Variants in CCDC171 observed in about 807,000 individuals in gnomAD.
CCDC171 encodes coiled-coil domain-containing protein 171.
A neutral mutation model predicts 168.2 loss-of-function variants in CCDC171; 177 were observed. The ratio of observed to expected loss-of-function variants is 1.05; its 90% CI spans 0.93 to 1.19. The LOEUF (loss-of-function observed/expected upper bound fraction) is 1.19, where lower values mean the gene tolerates loss of function less well. Among genes scored for constraint, CCDC171 ranks in the 50% most tolerant of loss-of-function variants. The pLI is 0.00. For missense variants in CCDC171, 1,991 were observed against 1,539.0 expected, an observed-to-expected ratio of 1.29 and a Z score of -4.91; for synonymous variants, 687 against 540.8, an observed-to-expected ratio of 1.27 and a Z score of -3.75.
At chr9:15,698,904 T>C (rs2051445495) in intron 11 of CCDC171, among the ~76,000 whole-genome samples, 1 of 152,214 alleles carries the variant, frequency 6.6e-6, no homozygotes, top group Non-Finnish European at 1.5e-5. Context: ...GTTGATTCTA[T>C]ATCTTGGTTA....
At chr9:15,840,799 G>A (rs560410605) in intron 21 of CCDC171, among the ~76,000 whole-genome samples, 7 of 151,784 alleles carry the variant, frequency 4.6e-5, no homozygotes, top group Admixed American at 1.3e-4. Flanking sequence ...CATTTAAAAT[G>A]TGTAACTATT....
chr9:15,809,960 C>T (rs1049217256), intron 21 of CCDC171, among the ~76,000 whole-genome samples: 5 of 152,068 alleles, frequency 3.3e-5, no homozygotes, highest in East Asian at 1.9e-4. Context: ...CTGATTGGTC[C>T]GTTTTGACAG....
At chr9:15,938,541 T>C (rs906224009) in intron 25 of CCDC171, among the ~76,000 whole-genome samples, 1 of 151,920 alleles carries the variant, frequency 6.6e-6, no homozygotes, top group Non-Finnish European at 1.5e-5. Flanking sequence ...TCTTTCTCTT[T>C]CCTTTTGAAG....
chr9:16,106,518 C>T, the CCDC171 span, among the ~76,000 whole-genome samples: 3 of 152,152 alleles, frequency 2.0e-5, no homozygotes, highest in South Asian at 4.1e-4. Flanking sequence ...TCTCCAAAAC[C>T]CCAAAGGGTT....
intron 23 of CCDC171, among the ~76,000 whole-genome samples, chr9:15,864,803 G>C (rs2061707815): frequency 6.6e-6 from 1 of 152,026 alleles, no homozygotes; most frequent in South Asian, 2.1e-4. Flanking sequence ...GCAGCTAAGA[G>C]TAAAAGTAAG....
chr9:15,799,380 G>A (rs1258166721), intron 21 of CCDC171, among the ~76,000 whole-genome samples: 3 of 151,238 alleles, frequency 2.0e-5, no homozygotes, highest in Non-Finnish European at 3.0e-5. Context: ...CAAGAAATAC[G>A]TGTTCATTTT....
intron 21 of CCDC171, among the ~76,000 whole-genome samples, chr9:15,811,249 T>C (rs942961833): frequency 6.6e-6 from 1 of 152,224 alleles, no homozygotes; most frequent in Non-Finnish European, 1.5e-5. Context: ...TGAATAGTTA[T>C]CAAACTCTCT....
upstream of CCDC171, among the ~76,000 whole-genome samples, chr9:16,040,573 C>G (rs986167710): frequency 6.6e-6 from 1 of 152,172 alleles, no homozygotes; most frequent in Non-Finnish European, 1.5e-5. Flanking sequence ...ACGCTGAGCT[C>G]CTCCCAGGAA....
At chr9:15,793,551 GT>G (rs3082839) in intron 21 of CCDC171, among the ~76,000 whole-genome samples, 64 of 77,048 alleles carry the variant, frequency 8.3e-4, no homozygotes, top group African/African-American at 3.5e-3. Flanking sequence ...TTATTCCAAG[GT>G]TTTTTTTTTT....
chr9:15,841,254 C>T (rs1010926886), intron 21 of CCDC171, among the ~76,000 whole-genome samples: 10 of 151,706 alleles, frequency 6.6e-5, no homozygotes, highest in South Asian at 2.1e-4. Context: ...AAAAATTATA[C>T]GTATTTGTAT....
At chr9:15,879,186 A>G (rs1320781098) in intron 24 of CCDC171, among the ~76,000 whole-genome samples, 3 of 152,200 alleles carry the variant, frequency 2.0e-5, no homozygotes, top group East Asian at 3.8e-4. Context: ...TTTGGTATAT[A>G]TTCTTCAAGT....
chr9:16,008,496 G>GT (rs1271662123), intron 3 of CCDC171, among the ~76,000 whole-genome samples: 1 of 152,126 alleles, frequency 6.6e-6, no homozygotes, highest in Non-Finnish European at 1.5e-5. Context: ...GTCCAGAAAT[G>GT]TTTTTTTCCA....
At position 15,972,202 on chromosome 9, in the gene CCDC171, A is replaced by G. The variant is rs778190083; in HGVS notation, c.*366A>G. On this transcript the variant is annotated 3_prime_UTR_variant, in exon 26 of 26. Coordinates refer to ENST00000380701, the MANE Select transcript of CCDC171 (RefSeq NM_173550.4). ...TTTAAAGCAGGACTGCAATGCTTTAATAGGATTGAGAGAGCTATTTGAAAT... is the reference window on the plus strand; with the variant it reads ...TTTAAAGCAGGACTGCAATGCTTTAGTAGGATTGAGAGAGCTATTTGAAAT... The G allele has an allele frequency of 4.5e-4, 93 of 204,892 alleles. No homozygotes were observed. Among genetic ancestry groups the G allele is most frequent in the Non-Finnish European group, 8.8e-4 (90 of 102,722 alleles). The allele number at this position is 204,892 out of a possible 1,614,324, so 12.7% of individuals were successfully genotyped here.
chr9:15,713,044 CA>C (rs1357262494), intron 11 of CCDC171, among the ~76,000 whole-genome samples: 3 of 152,138 alleles, frequency 2.0e-5, no homozygotes, highest in Non-Finnish European at 4.4e-5. Context: ...ACCTTGTTAC[CA>C]ATTTTCTATT....
At chr9:15,895,483 A>G (rs1820783298) in intron 24 of CCDC171, among the ~76,000 whole-genome samples, 1 of 152,086 alleles carries the variant, frequency 6.6e-6, no homozygotes, top group Admixed American at 6.6e-5. Flanking sequence ...ATTGTAGCTG[A>G]CACCATTGCA....
intron 23 of CCDC171, among the ~76,000 whole-genome samples, chr9:15,867,629 G>A (rs2061845756): frequency 6.6e-6 from 1 of 152,010 alleles, no homozygotes; most frequent in Non-Finnish European, 1.5e-5. Context: ...ACCTAGCCAA[G>A]CTAAAAATGA....
At chr9:16,058,042 G>GAAA (rs201883453) in intron 1 of CCDC171, among the ~76,000 whole-genome samples, 5 of 145,836 alleles carry the variant, frequency 3.4e-5, no homozygotes, top group Non-Finnish European at 4.5e-5. Context: ...TGAATTTTTT[G>GAAA]AAAAAAAAAA....
chr9:15,604,891 A>G (rs2043108226), intron 6 of CCDC171, among the ~76,000 whole-genome samples: 1 of 152,186 alleles, frequency 6.6e-6, no homozygotes, highest in African/African-American at 2.4e-5. Context: ...TGGATGCAAA[A>G]TATTAGGAAT....
At chr9:15,598,308 A>G (rs1330927058) in intron 6 of CCDC171, among the ~76,000 whole-genome samples, 13 of 150,134 alleles carry the variant, frequency 8.7e-5, no homozygotes, top group Non-Finnish European at 4.5e-5. Context: ...TTCCCTCTAT[A>G]CACTGGTTTG....
Sources: allele counts gnomAD v4.1 joint callset (sites outside exome capture counted in the v4.1 genomes callset), GRCh38; gene constraint gnomAD v4.1.1; transcripts MANE v1.5; gene names NCBI Gene and HGNC (gene_info 2026-07-23, HGNC 2026-07-21).